Variants in DCAF6 observed in about 807,000 individuals in gnomAD.
DCAF6 encodes the protein DDB1- and CUL4-associated factor 6.
In DCAF6, 54 loss-of-function variants were observed where a neutral mutation model predicts 125.1. That is an observed-to-expected ratio of 0.43 (90% confidence interval 0.35 to 0.54). DCAF6 has a LOEUF of 0.54. DCAF6 is among the 20% of genes least tolerant of loss of function. DCAF6 has a pLI of 0.01. For synonymous variants in DCAF6, 371 were observed against 390.4 expected, an observed-to-expected ratio of 0.95 and a Z score of 0.58; for missense variants, 934 against 1,161.7, an observed-to-expected ratio of 0.80 and a Z score of 2.85.
At chr1:168,067,011 C>A (rs912452497) in intron 20 of DCAF6, among the ~76,000 whole-genome samples, 1 of 152,012 alleles carries the variant, frequency 6.6e-6, no homozygotes, top group Admixed American at 6.6e-5. Flanking sequence ...CTTTGGAGCT[C>A]TGGATTTCTT....
At chr1:168,007,103 T>G (rs917071511) in intron 10 of DCAF6, among the ~76,000 whole-genome samples, 11 of 152,168 alleles carry the variant, frequency 7.2e-5, no homozygotes, top group African/African-American at 2.7e-4. Flanking sequence ...GATTCTAACC[T>G]TTCATTCACA....
At chr1:167,970,826 A>T (rs1677195954) in intron 3 of DCAF6, among the ~76,000 whole-genome samples, 1 of 151,974 alleles carries the variant, frequency 6.6e-6, no homozygotes, top group African/African-American at 2.4e-5. Flanking sequence ...TTAGTTTTTT[A>T]AAAAAATAGA....
intron 17 of DCAF6, among the ~76,000 whole-genome samples, chr1:168,051,942 G>A (rs1191309554): frequency 3.3e-5 from 5 of 150,080 alleles, no homozygotes; most frequent in East Asian, 3.9e-4. Flanking sequence ...GTGCAGTGGC[G>A]CAGTCCCAGC....
At chr1:168,049,586 T>C (rs1689610556) in intron 16 of DCAF6, among the ~76,000 whole-genome samples, 1 of 150,242 alleles carries the variant, frequency 6.7e-6, no homozygotes, top group Non-Finnish European at 1.5e-5. Flanking sequence ...GAAACGTAAA[T>C]ATATGCCCTT....
At chr1:167,997,402 C>G (rs1379887468) in intron 7 of DCAF6, among the ~76,000 whole-genome samples, 1 of 152,170 alleles carries the variant, frequency 6.6e-6, no homozygotes, top group East Asian at 1.9e-4. Context: ...CCACATTAAG[C>G]TTTGTTCTGG....
chr1:167,974,802 C>A, intron 3 of DCAF6, 28 bp from the exon 4 acceptor site: 2 of 1,447,062 alleles, frequency 1.4e-6, no homozygotes, highest in East Asian at 2.5e-5. Context: ...AATAAGTTAC[C>A]ATTAACTGCT....
At chr1:167,914,916 G>A in the DCAF6 span, among the ~76,000 whole-genome samples, 2 of 152,038 alleles carry the variant, frequency 1.3e-5, no homozygotes, top group South Asian at 4.2e-4. Context: ...AAACAAGAGG[G>A]TCATTTAATT....
intron 10 of DCAF6, among the ~76,000 whole-genome samples, chr1:168,011,249 G>A (rs1240311718): frequency 6.6e-6 from 1 of 151,518 alleles, no homozygotes; most frequent in African/African-American, 2.4e-5. Context: ...CTGAGTAACT[G>A]GGACTACAGG....
upstream of DCAF6, chr1:167,935,897 G>A: frequency 7.4e-7 from 1 of 1,348,452 alleles, no homozygotes; most frequent in Non-Finnish European, 1.0e-6. Context: ...TCTCGTCCCT[G>A]GCTGACAACG....
chr1:167,986,686 T>C (rs1680052191), intron 4 of DCAF6, among the ~76,000 whole-genome samples: 1 of 152,152 alleles, frequency 6.6e-6, no homozygotes, highest in Non-Finnish European at 1.5e-5. Flanking sequence ...TCTAATGCCA[T>C]TGCTGATCCT....
chr1:167,909,785 C>T, the DCAF6 span, among the ~76,000 whole-genome samples: 1 of 152,172 alleles, frequency 6.6e-6, no homozygotes, highest in Non-Finnish European at 1.5e-5. Context: ...CTTATTTTGT[C>T]AGGCTTTTCA....
At chr1:167,888,881 AAAAAAAAAAG>A in the DCAF6 span, among the ~76,000 whole-genome samples, 3 of 151,168 alleles carry the variant, frequency 2.0e-5, no homozygotes, top group East Asian at 1.9e-4. Context: ...GTCTCAAAAA[AAAAAAAAAAG>A]AAAAAGAAAG....
At chr1:167,948,207 C>T (rs572590324) in intron 1 of DCAF6, among the ~76,000 whole-genome samples, 1 of 149,562 alleles carries the variant, frequency 6.7e-6, no homozygotes, top group Non-Finnish European at 1.5e-5. Context: ...TTCACTTTGA[C>T]TTCAGACAGT....
chr1:168,049,428 G>GTTTTT (rs1239526601), intron 16 of DCAF6, among the ~76,000 whole-genome samples: 1 of 67,420 alleles, frequency 1.5e-5, no homozygotes, highest in East Asian at 4.4e-4. Flanking sequence ...TGTTGTTGTT[G>GTTTTT]TTGTTTTTTT....
chr1:167,909,571 C>T, the DCAF6 span, among the ~76,000 whole-genome samples: 3 of 152,014 alleles, frequency 2.0e-5, no homozygotes, highest in African/African-American at 4.8e-5. Context: ...TTTTTCTTAG[C>T]TCATCAGCTA....
intron 12 of DCAF6, among the ~76,000 whole-genome samples, chr1:168,028,960 TA>T (rs1686697796): frequency 6.6e-6 from 1 of 152,170 alleles, no homozygotes; most frequent in African/African-American, 2.4e-5. Context: ...GTTAGTGAAA[TA>T]AAATTTCATT....
rs148618445 is a variant in DCAF6 at position 167,978,768 on chromosome 1, C to T, written c.438+3753C>T. Among the ~76,000 whole-genome samples, 158 of 152,048 alleles carry T rather than the reference C, an allele frequency of 1.0e-3. 1 individual carries two copies. The highest frequency in any genetic ancestry group is 1.4e-3 in the Non-Finnish European group (92 of 67,940). On this transcript the variant is annotated intron_variant, in intron 4 of 21. Transcript: ENST00000367840. ...ATTATAGCTCCTGGGTTCAAGGAAT[C>T]GTCTTGCCTCCCAAGTAGCTGAGAC...
At chr1:168,050,430 A>G (rs746499915) in intron 16 of DCAF6, among the ~76,000 whole-genome samples, 16 of 152,146 alleles carry the variant, frequency 1.1e-4, no homozygotes, top group Non-Finnish European at 2.1e-4. Flanking sequence ...AAAGAACTGG[A>G]CTCCTAGGGA....
At chr1:167,894,309 G>A in the DCAF6 span, among the ~76,000 whole-genome samples, 1 of 152,160 alleles carries the variant, frequency 6.6e-6, no homozygotes, top group African/African-American at 2.4e-5. Flanking sequence ...GAAGGGGATG[G>A]TAGAGTTGAA....
Sources: gnomAD v4.1 joint callset for allele counts (sites outside exome capture counted in the v4.1 genomes callset) on GRCh38, gnomAD v4.1.1 for gene constraint, MANE v1.5 for transcripts, NCBI Gene and HGNC (gene_info 2026-07-23, HGNC 2026-07-21) for gene names.